Variants in SLC47A2 observed in about 807,000 individuals in gnomAD.
The protein encoded by SLC47A2 is solute carrier family 47 member 2.
A neutral mutation model predicts 67.7 loss-of-function variants in SLC47A2; 52 were observed. The ratio of observed to expected loss-of-function variants is 0.77; its 90% CI spans 0.61 to 0.97. The LOEUF is 0.97. SLC47A2 is among the 50% of genes least tolerant of loss of function. SLC47A2 has a pLI of 0.00. For synonymous variants in SLC47A2, 278 were observed against 292.9 expected, an observed-to-expected ratio of 0.95 and a Z score of 0.52; for missense variants, 676 against 712.3, an observed-to-expected ratio of 0.95 and a Z score of 0.58.
chr17:19,707,248 T>G (rs764625810), intron 8 of SLC47A2, among the ~76,000 whole-genome samples: 5 of 152,176 alleles, frequency 3.3e-5, no homozygotes, highest in Non-Finnish European at 4.4e-5. Context: ...CTGAAATGCC[T>G]GGCAGGAGAA....
At chr17:19,711,418 C>A (rs2086091214) in intron 5 of SLC47A2, among the ~76,000 whole-genome samples, 1 of 150,078 alleles carries the variant, frequency 6.7e-6, no homozygotes, top group African/African-American at 2.4e-5. Context: ...ATGGTGAAAC[C>A]CTGTCACTAC....
At chr17:19,678,992 A>G in intron 16 of SLC47A2, 86 bp from the exon 17 acceptor site, 2 of 1,156,740 alleles carry the variant, frequency 1.7e-6, no homozygotes, top group South Asian at 2.7e-5. Flanking sequence ...TAGGTTAACC[A>G]CCTGGCTGTG....
rs1378361228 is a variant in SLC47A2, at chr17:19,712,690, CAG to C, written c.486+11_486+12del. 1.2e-6 allele frequency: 2 copies of C among 1,612,868 alleles called. No homozygotes were observed. Among genetic ancestry groups the C allele is most frequent in the African/African-American group, 1.3e-5 (1 of 75,020 alleles). On this transcript the variant is annotated intron_variant, in intron 5 of 16. Coordinates refer to ENST00000433844, the MANE Select transcript of SLC47A2 (RefSeq NM_001099646.3). ...GGAATGTGATTCCACGCTCAGCAAA[CAG>C]GGGCACCTACCGGAAGTCCTGGAAT...
chr17:19,704,044 G>A (rs1281594453), intron 11 of SLC47A2, 26 bp downstream of exon 11: 15 of 1,562,734 alleles, frequency 9.6e-6, no homozygotes, highest in South Asian at 1.2e-5. Context: ...ACGTTTGAAG[G>A]CCCACCAGGA....
intron 15 of SLC47A2, among the ~76,000 whole-genome samples, chr17:19,680,773 T>A (rs1449497283): frequency 6.6e-6 from 1 of 152,166 alleles, no homozygotes; most frequent in Non-Finnish European, 1.5e-5. Context: ...TTCAGACTAG[T>A]TTGAGTTCTT....
At position 19,678,607 on chromosome 17, in the gene SLC47A2, G is replaced by A. The variant is rs1394974830; in HGVS notation, c.*79C>T. Reference sequence around the variant, plus strand: ...TGTCCACCTGCACTAGACCCCATTGGTGTTTTTGCAGGGCAGACCGTGGTG... The same window carrying A: ...TGTCCACCTGCACTAGACCCCATTGATGTTTTTGCAGGGCAGACCGTGGTG... On this transcript the variant is annotated 3_prime_UTR_variant, in exon 17 of 17. Coordinates refer to ENST00000433844, the MANE Select transcript of SLC47A2 (RefSeq NM_001099646.3). The A allele has an allele frequency of 3.3e-5, 47 of 1,445,490 alleles. No homozygotes were observed. The highest frequency in any genetic ancestry group is 4.4e-5 in the Non-Finnish European group (46 of 1,034,304). The allele number at this position is 1,445,490 out of a possible 1,614,324, so 89.5% of individuals were successfully genotyped here. A position where few individuals can be genotyped will look rare whatever the true frequency, so the allele number is the denominator to read the frequency against.
At chr17:19,690,432 C>G (rs1301228843) in intron 13 of SLC47A2, among the ~76,000 whole-genome samples, 1 of 151,998 alleles carries the variant, frequency 6.6e-6, no homozygotes, top group African/African-American at 2.4e-5. Context: ...GAGATCACAT[C>G]AAGTTAAAAA....
chr17:19,678,662 G>A lies in SLC47A2; in HGVS notation c.*24C>T, dbSNP rs773479427. Reference sequence around the variant, plus strand: ...TGCATACTGGGGACAGCCACTCCTGGCTTTCTATTTCCAAGCTTCTTTGCT... The same window carrying A: ...TGCATACTGGGGACAGCCACTCCTGACTTTCTATTTCCAAGCTTCTTTGCT... On this transcript the variant is annotated 3_prime_UTR_variant, in exon 17 of 17. Coordinates refer to ENST00000433844, the MANE Select transcript of SLC47A2 (RefSeq NM_001099646.3). The A allele has an allele frequency of 6.2e-7, 1 of 1,609,356 alleles. No homozygotes were observed. Among genetic ancestry groups the A allele is most frequent in the South Asian group, 1.1e-5 (1 of 90,970 alleles).
chr17:19,699,087 A>G (rs2085729836), intron 13 of SLC47A2, among the ~76,000 whole-genome samples: 1 of 152,204 alleles, frequency 6.6e-6, no homozygotes, highest in African/African-American at 2.4e-5. Flanking sequence ...GTGAAAGAAT[A>G]GACAAAAAAG....
chr17:19,712,877 G>A, intron 4 of SLC47A2, 132 bp from the exon 5 acceptor site: 1 of 788,496 alleles, frequency 1.3e-6, no homozygotes, highest in African/African-American at 1.7e-5. Flanking sequence ...TGAAACCTCA[G>A]CATCAGGGGC....
intron 13 of SLC47A2, among the ~76,000 whole-genome samples, chr17:19,696,435 C>A (rs1203935229): frequency 1.4e-5 from 2 of 147,608 alleles, no homozygotes; most frequent in African/African-American, 5.0e-5. Flanking sequence ...GCACTCCAGC[C>A]TGGCAACATA....
chr17:19,704,591 A>G, intron 10 of SLC47A2: 1 of 1,414,756 alleles, frequency 7.1e-7, no homozygotes, highest in Non-Finnish European at 9.5e-7. Context: ...TGATTTTGTA[A>G]TGTAGATTTT....
At position 19,708,415 on chromosome 17, in the gene SLC47A2, A is replaced by T. The variant is rs1297829824; in HGVS notation, c.532-16T>A. 6.2e-7 allele frequency: 1 copy of T among 1,614,124 alleles called. No homozygotes were observed. The highest frequency in any genetic ancestry group is 1.1e-5 in the South Asian group (1 of 91,076). On this transcript the variant is annotated splice_polypyrimidine_tract_variant and intron_variant, in intron 6 of 16. Coordinates refer to ENST00000433844, the MANE Select transcript of SLC47A2 (RefSeq NM_001099646.3). ...AGGTGATCTTCTGAAATAAATGAAA[A>T]CTGGCCCTGCTAAGGTGTGAGTGAG... is the stretch of plus-strand genomic sequence containing the variant.
In SLC47A2 at chr17:19,714,714, C is replaced by T; in HGVS notation, c.294+7G>A. ...GGCTTCCTGCCCAGCTCCAGGAGGC[C>T]ACCCACCTGAGACATCAAGGTGTCA... is the stretch of plus-strand genomic sequence containing the variant. On this transcript the variant is annotated splice_region_variant and intron_variant, in intron 3 of 16. Transcript: ENST00000433844. 6.2e-7 allele frequency: 1 copy of T among 1,613,990 alleles called. No individual in the cohort carries two copies. The highest frequency in any genetic ancestry group is 8.5e-7 in the Non-Finnish European group (1 of 1,180,030).
intron 13 of SLC47A2, among the ~76,000 whole-genome samples, chr17:19,684,043 C>T (rs1016399820): frequency 1.3e-5 from 2 of 152,100 alleles, no homozygotes; most frequent in Non-Finnish European, 1.5e-5. Flanking sequence ...GATAGACCTG[C>T]GGTAGGCCAC....
rs771251824 is a variant in SLC47A2, at chr17:19,708,769, A to G, written c.487-9T>C. The G allele has an allele frequency of 3.4e-5, 55 of 1,613,888 alleles. No individual in the cohort carries two copies. The East Asian group carries it at 8.0e-4, about 24-fold the overall frequency. On this transcript the variant is annotated splice_polypyrimidine_tract_variant and intron_variant, in intron 5 of 16. Coordinates refer to ENST00000433844, the MANE Select transcript of SLC47A2 (RefSeq NM_001099646.3). ...TTGTAAAGAAAAATCACCTGTATGA[A>G]AAGCAAACCCAAACAAATCAACAAT...
rs2086205432 is a variant in SLC47A2, at chr17:19,714,802, A to AG, written c.226-14_226-13insC. ...AGACATTGACAAACTGGCGCCACAC[A>AG]CAGGAGGAAACAAGAGCTTGTCAGG... On this transcript the variant is annotated splice_polypyrimidine_tract_variant and intron_variant, in intron 2 of 16. Transcript: ENST00000433844. The AG allele has an allele frequency of 1.9e-6, 3 of 1,613,942 alleles. No individual in the cohort carries two copies. The Middle Eastern group carries it at 4.9e-4, about 266-fold the overall frequency.
intron 13 of SLC47A2, chr17:19,692,284 A>T (rs2085560551): frequency 2.3e-6 from 1 of 436,944 alleles, no homozygotes; most frequent in Non-Finnish European, 4.5e-6. Context: ...CTTACCAAGG[A>T]TCTGATCTTG....
chr17:19,681,385 C>T lies in SLC47A2; in HGVS notation c.1374G>A (p.Trp458Ter). Residue 458 changes from tryptophan (W) to a stop codon, truncating the protein, a stop_gained, in exon 15 of 17, where the codon TGG (tryptophan) becomes TGA (stop). Coordinates refer to ENST00000433844, the MANE Select transcript of SLC47A2 (RefSeq NM_001099646.3). LOFTEE classifies it high-confidence loss of function. The part of the protein sequence containing the change: ...AFVAYTARLD[W>*]KLAAEEAKKH... ...CACTTACCTCCTCTGCAGCAAGCTT[C>T]CAGTCCAGCCGGGCAGTATAAGCAA... 3.1e-6 allele frequency: 5 copies of T among 1,610,234 alleles called. No individual in the cohort carries two copies. Among genetic ancestry groups the T allele is most frequent in the Non-Finnish European group, 4.2e-6 (5 of 1,177,946 alleles).
Sources: allele counts gnomAD v4.1 joint callset (sites outside exome capture counted in the v4.1 genomes callset), GRCh38; gene constraint gnomAD v4.1.1; transcripts MANE v1.5; gene names NCBI Gene and HGNC (gene_info 2026-07-23, HGNC 2026-07-21).